STAC: variants seen among roughly 807,000 people sequenced by gnomAD.
The protein encoded by STAC is SH3 and cysteine rich domain.
In STAC, 43 loss-of-function variants were observed where a neutral mutation model predicts 48.8. The observed-to-expected ratio is 0.88, with a 90% confidence interval of 0.69 to 1.14. The LOEUF (loss-of-function observed/expected upper bound fraction) is 1.14, where lower values mean the gene tolerates loss of function less well. STAC is among the 50% of genes most tolerant of loss of function. The pLI, the probability that STAC is intolerant of heterozygous loss-of-function variation, is 0.00. For missense variants in STAC, 497 were observed against 504.0 expected (o/e 0.99, Z 0.13); for synonymous variants, 193 against 179.5 (o/e 1.07, Z -0.60).
At chr3:36,393,703 A>T (rs944877047) in intron 1 of STAC, among the ~76,000 whole-genome samples, 1 of 148,744 alleles carries the variant, frequency 6.7e-6, no homozygotes, top group Non-Finnish European at 1.5e-5. Context: ...GTGAGCGTGT[A>T]GCAGAAAGCA....
At chr3:36,397,954 T>C (rs1699887178) in intron 1 of STAC, among the ~76,000 whole-genome samples, 1 of 150,676 alleles carries the variant, frequency 6.6e-6, no homozygotes, top group African/African-American at 2.4e-5. Flanking sequence ...TACATTATAG[T>C]GTTGATGATG....
At chr3:36,493,982 C>G (rs992439058) in intron 6 of STAC, among the ~76,000 whole-genome samples, 4 of 151,118 alleles carry the variant, frequency 2.6e-5, no homozygotes, top group Non-Finnish European at 5.9e-5. Context: ...AACCCCGTCT[C>G]TACTAAAAAT....
At chr3:36,453,540 G>A (rs949376403) in intron 2 of STAC, among the ~76,000 whole-genome samples, 13 of 152,320 alleles carry the variant, frequency 8.5e-5, no homozygotes, top group Admixed American at 3.3e-4. Flanking sequence ...GCCTTCCCGC[G>A]GGGCAGGGCT....
chr3:36,424,535 C>A (rs2125647267), intron 1 of STAC, among the ~76,000 whole-genome samples: 1 of 152,224 alleles, frequency 6.6e-6, no homozygotes, highest in Admixed American at 6.5e-5. Flanking sequence ...AATGCCACCC[C>A]AGTAGCAATA....
At chr3:36,404,350 A>AG (rs1273378548) in intron 1 of STAC, among the ~76,000 whole-genome samples, 1 of 152,178 alleles carries the variant, frequency 6.6e-6, no homozygotes, top group African/African-American at 2.4e-5. Flanking sequence ...AAACTTTCTA[A>AG]GGCACATTCT....
intron 10 of STAC, among the ~76,000 whole-genome samples, chr3:36,536,149 T>C (rs1699193140): frequency 6.6e-6 from 1 of 152,130 alleles, no homozygotes; most frequent in Non-Finnish European, 1.5e-5. Flanking sequence ...TTTCAGAACT[T>C]GTGATTGGTC....
intron 1 of STAC, among the ~76,000 whole-genome samples, chr3:36,435,204 AT>A (rs1383911200): frequency 6.6e-6 from 1 of 152,096 alleles, no homozygotes; most frequent in African/African-American, 2.4e-5. Flanking sequence ...TGAAATGGTT[AT>A]TCCACATCTC....
chr3:36,479,882 A>G (rs1241513427), intron 2 of STAC, among the ~76,000 whole-genome samples: 2 of 152,218 alleles, frequency 1.3e-5, no homozygotes, highest in Non-Finnish European at 2.9e-5. Flanking sequence ...CACTGCTGTG[A>G]TGTGAATTAT....
intron 2 of STAC, among the ~76,000 whole-genome samples, chr3:36,448,908 C>T (rs866533423): frequency 4.1e-5 from 6 of 146,632 alleles, no homozygotes; most frequent in East Asian, 4.4e-4. Flanking sequence ...TGAACCCCCC[C>T]CCCCACTCCC....
In STAC at chr3:36,532,243, AG is replaced by A. The variant is rs149606261; in HGVS notation, c.1110+3260del. Among the ~76,000 whole-genome samples, 1,399 of 152,324 alleles carry A rather than the reference AG, an allele frequency of 9.2e-3. 24 individuals are homozygous for A. The highest frequency in any genetic ancestry group is 0.032 in the African/African-American group (1,333 of 41,576). ...GGTTGTTAAAATCTCTAATATCCTT[AG>A]GAAATTGGGTCACTGGGCTCTATGG... On this transcript the variant is annotated intron_variant, in intron 10 of 10. Coordinates refer to ENST00000273183, the MANE Select transcript of STAC (RefSeq NM_003149.3).
At chr3:36,402,824 T>C (rs1700022676) in intron 1 of STAC, among the ~76,000 whole-genome samples, 1 of 152,178 alleles carries the variant, frequency 6.6e-6, no homozygotes, top group Non-Finnish European at 1.5e-5. Context: ...AAAGTTGGCC[T>C]GTCCGTCTTC....
chr3:36,405,871 C>T (rs1246623885), intron 1 of STAC, among the ~76,000 whole-genome samples: 1 of 152,164 alleles, frequency 6.6e-6, no homozygotes, highest in Non-Finnish European at 1.5e-5. Context: ...AGGCGCATGC[C>T]ACCATGCCCG....
At chr3:36,460,068 C>T (rs1276914785) in intron 2 of STAC, among the ~76,000 whole-genome samples, 19 of 151,988 alleles carry the variant, frequency 1.3e-4, no homozygotes, top group Admixed American at 1.2e-3. Context: ...CTCTCAGTTT[C>T]AACCCTTCAG....
At chr3:36,394,158 A>G (rs1408149352) in intron 1 of STAC, among the ~76,000 whole-genome samples, 1 of 152,156 alleles carries the variant, frequency 6.6e-6, no homozygotes, top group Non-Finnish European at 1.5e-5. Flanking sequence ...TTCATTGTCC[A>G]ATATGGTAGC....
At chr3:36,517,423 G>T (rs180882730) in intron 8 of STAC, among the ~76,000 whole-genome samples, 8 of 152,298 alleles carry the variant, frequency 5.3e-5, no homozygotes, top group Admixed American at 1.3e-4. Flanking sequence ...GCCAACGCAG[G>T]TGTATTGCTT....
intron 2 of STAC, 139 bp from the exon 3 acceptor site, chr3:36,482,853 A>G (rs1697689718): frequency 1.6e-6 from 1 of 620,506 alleles, no homozygotes; most frequent in Non-Finnish European, 2.9e-6. Flanking sequence ...TACCATATAT[A>G]TTTTTTTTCT....
chr3:36,449,647 C>A (rs1696625454), intron 2 of STAC, among the ~76,000 whole-genome samples: 1 of 152,182 alleles, frequency 6.6e-6, no homozygotes, highest in Non-Finnish European at 1.5e-5. Flanking sequence ...TAAGAAATCT[C>A]TCATTGAAAA....
intron 2 of STAC, among the ~76,000 whole-genome samples, chr3:36,482,689 C>T (rs763475016): frequency 2.0e-4 from 30 of 152,084 alleles, no homozygotes; most frequent in Middle Eastern, 3.2e-3. Flanking sequence ...GAGTAACCTA[C>T]ATGAAAAGCA....
intron 8 of STAC, among the ~76,000 whole-genome samples, chr3:36,507,366 G>A (rs574031537): frequency 6.6e-6 from 1 of 152,128 alleles, no homozygotes; most frequent in African/African-American, 2.4e-5. Flanking sequence ...CAGGGATATT[G>A]GCCTGAAATT....
Sources: gnomAD v4.1 joint callset for allele counts (sites outside exome capture counted in the v4.1 genomes callset) on GRCh38, gnomAD v4.1.1 for gene constraint, MANE v1.5 for transcripts, NCBI Gene and HGNC (gene_info 2026-07-23, HGNC 2026-07-21) for gene names.